Variants in ZER1 observed in about 807,000 individuals in gnomAD.
The protein encoded by ZER1 is zyg-11 related cell cycle regulator, also known as protein zer-1 homolog.
Under a neutral mutation model 78.8 loss-of-function variants are expected in ZER1, and 11 were observed. That is an observed-to-expected ratio of 0.14 (90% CI 0.09 to 0.23). The LOEUF (loss-of-function observed/expected upper bound fraction) is 0.23. ZER1 is among the 10% of genes least tolerant of loss of function. ZER1 has a pLI of 1.00. For missense variants in ZER1, 588 were observed against 996.9 expected, an observed-to-expected ratio of 0.59 and a Z score of 5.52; for synonymous variants, 400 against 407.0, an observed-to-expected ratio of 0.98 and a Z score of 0.21.
At chr9:128,746,464 T>G (rs1443790080) in intron 8 of ZER1, among the ~76,000 whole-genome samples, 1 of 149,318 alleles carries the variant, frequency 6.7e-6, no homozygotes, top group Non-Finnish European at 1.5e-5. Flanking sequence ...TTTCCTTTTT[T>G]TTTTTTTTTT....
At position 128,753,215 on chromosome 9, in the gene ZER1, A is replaced by G; in HGVS notation, c.695T>C (p.Met232Thr). Residue 232 changes from methionine (M) to threonine (T), a missense_variant, in exon 4 of 16, where the codon ATG (methionine) becomes ACG (threonine). Met to Thr is a moderately conservative substitution (Grantham distance 81). Around this residue, in one of 3 missense-constraint regions of ZER1, gnomAD observed 406 missense variants for 660.1 expected, o/e 0.62. Coordinates refer to ENST00000291900, the MANE Select transcript of ZER1 (RefSeq NM_006336.4). This position sits in a 1 kb window ranked among gnomAD's most constrained non-coding sequence, Gnocchi z 7.5. Reference protein sequence around the residue: ...DSLVSLVLYNMDLSDDHIRVI... With the variant: ...DSLVSLVLYNTDLSDDHIRVI... Reference sequence around the variant, plus strand: ...CCGGATGTGGTCGTCGGACAGGTCCATGTTGTAGAGGACGAGGGACACCAG... The same window carrying G: ...CCGGATGTGGTCGTCGGACAGGTCCGTGTTGTAGAGGACGAGGGACACCAG... The G allele has an allele frequency of 1.3e-6, 2 of 1,582,374 alleles. No individual in the cohort carries two copies. The highest frequency in any genetic ancestry group is 1.7e-6 in the Non-Finnish European group (2 of 1,164,638).
At chr9:128,743,508 A>G (rs559844686) in intron 8 of ZER1, among the ~76,000 whole-genome samples, 4 of 151,688 alleles carry the variant, frequency 2.6e-5, no homozygotes, top group African/African-American at 7.3e-5. Flanking sequence ...TGCAGCATCA[A>G]CCTCTGGGGC....
At position 128,739,979 on chromosome 9, in the gene ZER1, G is replaced by C; in HGVS notation, c.1994C>G (p.Ala665Gly). 1 of 1,613,664 alleles carries C rather than the reference G, an allele frequency of 6.2e-7. No homozygotes were observed. Among genetic ancestry groups the C allele is most frequent in the Non-Finnish European group, 8.5e-7 (1 of 1,179,646 alleles). The part of the protein sequence containing the change: ...QREEVEERMW[A>G]AIQSWDINSR... ...GTTTATGTCCCAGCTCTGGATGGCAGCCCACATGCGTTCCTCCACCTCCTC... is the reference window on the plus strand; with the variant it reads ...GTTTATGTCCCAGCTCTGGATGGCACCCCACATGCGTTCCTCCACCTCCTC... The change falls in exon 13 of 16, where the codon GCT becomes GGT. Residue 665 changes from alanine (A) to glycine (G), a missense_variant. This residue lies in a region of ZER1 where 122 missense variants were observed against 173.5 expected (regional missense o/e 0.70). Coordinates refer to ENST00000291900, the MANE Select transcript of ZER1 (RefSeq NM_006336.4).
At position 128,766,122 on chromosome 9, in the gene ZER1, G is replaced by A. The variant is rs147597128; in HGVS notation, c.-95+5459C>T. On this transcript the variant is annotated intron_variant, in intron 1 of 15. Coordinates refer to ENST00000291900, the MANE Select transcript of ZER1 (RefSeq NM_006336.4). ...TCCCAGCACTTTGGGAGGCCAAGGC[G>A]GGCGGATCACGAGGTGAAGAGATTG... Among the ~76,000 whole-genome samples the A allele has an allele frequency of 3.3e-3, 500 of 151,796 alleles. 8 individuals carry two copies. The East Asian group carries it at 0.036, about 11-fold the overall frequency.
In ZER1 at chr9:128,735,254, C is replaced by G. The variant is rs952465751; in HGVS notation, c.2140+80G>C. 2.3e-6 allele frequency: 3 copies of G among 1,316,020 alleles called. No individual in the cohort carries two copies. In the African/African-American group the frequency reaches 4.4e-5, roughly 19 times the overall value. 81.5% of individuals were successfully genotyped at this position (1,316,020 alleles called of 1,614,324 possible). A position where few individuals can be genotyped will look rare whatever the true frequency, so the allele number is the denominator to read the frequency against. ...GCTGACAGCAGCAATTAATGCCCCC[C>G]TCCTGGACTACAAACTCCCTGAGGG... is the stretch of plus-strand genomic sequence containing the variant. On this transcript the variant is annotated intron_variant, in intron 14 of 15. Transcript: ENST00000291900.
chr9:128,743,855 C>T (rs1589524649), intron 8 of ZER1, among the ~76,000 whole-genome samples: 1 of 150,882 alleles, frequency 6.6e-6, no homozygotes, highest in East Asian at 2.0e-4. Flanking sequence ...CTCAGCCTCC[C>T]TAGTAGCTGG....
At chr9:128,746,786 C>G (rs1030031530) in intron 8 of ZER1, among the ~76,000 whole-genome samples, 4 of 151,996 alleles carry the variant, frequency 2.6e-5, no homozygotes, top group African/African-American at 9.7e-5. Context: ...CAGGTGCCCA[C>G]CGGCACACTC....
At chr9:128,747,781 G>A (rs1160864725) in intron 8 of ZER1, among the ~76,000 whole-genome samples, 2 of 152,038 alleles carry the variant, frequency 1.3e-5, no homozygotes, top group Non-Finnish European at 1.5e-5. Flanking sequence ...AGTATGCCCG[G>A]CTAATTTTTG....
intron 1 of ZER1, among the ~76,000 whole-genome samples, chr9:128,769,927 T>C (rs1864331661): frequency 6.6e-6 from 1 of 152,204 alleles, no homozygotes; most frequent in African/African-American, 2.4e-5. Flanking sequence ...AAAACAAATC[T>C]GTATTTTCTC....
rs1039616994 is a variant in ZER1 at position 128,732,517 on chromosome 9, G to A, written c.2243+909C>T. Among the ~76,000 whole-genome samples the A allele has an allele frequency of 1.7e-4, 26 of 152,210 alleles. No homozygotes were observed. Among genetic ancestry groups the A allele is most frequent in the African/African-American group, 5.8e-4 (24 of 41,532 alleles). On this transcript the variant is annotated intron_variant, in intron 15 of 15. Transcript: ENST00000291900. This position sits in a 1 kb window ranked among gnomAD's most constrained non-coding sequence, Gnocchi z 4.8. ...CCCAAGTGGCTGGGATTACAGGCAC[G>A]TACCACCACGCCGAGCTAATTTTTG...
chr9:128,770,912 G>C (rs1247995414), intron 1 of ZER1, among the ~76,000 whole-genome samples: 1 of 152,196 alleles, frequency 6.6e-6, no homozygotes. Context: ...GCTCATGCCT[G>C]TATTTCCAGC....
chr9:128,731,995 C>T (rs1435780787), intron 15 of ZER1, among the ~76,000 whole-genome samples: 1 of 152,238 alleles, frequency 6.6e-6, no homozygotes, highest in Non-Finnish European at 1.5e-5. Context: ...GGACCCCGGA[C>T]AGCTTGCCCA....
Position 128,751,905 on chromosome 9 carries a change from C to A in ZER1, c.924-378G>T, listed in dbSNP as rs936009059. 1.2e-4 allele frequency among the ~76,000 whole-genome samples: 19 copies of A among 152,208 alleles called. No homozygotes were observed. The highest frequency in any genetic ancestry group is 4.6e-4 in the African/African-American group (19 of 41,454). ...GCTGGTAGGGTTTGGTCAAACTTCT[C>A]AACCAACCAATCCAAGAACCGACCT... On this transcript the variant is annotated intron_variant, in intron 5 of 15. Transcript: ENST00000291900. This position sits in a 1 kb window ranked among gnomAD's most constrained non-coding sequence, Gnocchi z 5.4.
At chr9:128,741,948 G>A (rs1863313547) in intron 9 of ZER1, 107 bp from the exon 10 acceptor site, 3 of 1,416,512 alleles carry the variant, frequency 2.1e-6, no homozygotes, top group Non-Finnish European at 3.0e-6. Flanking sequence ...TAGTTCAGGA[G>A]TCTTGACGAG....
At chr9:128,762,640 GT>G (rs1864086052) in intron 1 of ZER1, among the ~76,000 whole-genome samples, 1 of 152,180 alleles carries the variant, frequency 6.6e-6, no homozygotes, top group South Asian at 2.1e-4. Flanking sequence ...AAAGACAACC[GT>G]TATTATGTTG....
Position 128,761,074 on chromosome 9 carries a change from T to C in ZER1, c.-94-5415A>G, listed in dbSNP as rs535426773. Among the ~76,000 whole-genome samples, 4 of 142,042 alleles carry C rather than the reference T, an allele frequency of 2.8e-5. No homozygotes were observed. The South Asian group carries it at 6.9e-4, about 24-fold the overall frequency. 93.2% of individuals were successfully genotyped at this position (142,042 alleles called of 152,430 possible). Reference sequence around the variant, plus strand: ...TCGGGAGGCTGAGGTAGAAGAATGGTGTGAACCCGGGAGGCGGAGCTTGCA... The same window carrying C: ...TCGGGAGGCTGAGGTAGAAGAATGGCGTGAACCCGGGAGGCGGAGCTTGCA... On this transcript the variant is annotated intron_variant, in intron 1 of 15. Coordinates refer to ENST00000291900, the MANE Select transcript of ZER1 (RefSeq NM_006336.4).
chr9:128,746,215 C>T (rs949425021), intron 8 of ZER1: 1 of 152,146 alleles, frequency 6.6e-6, no homozygotes, highest in African/African-American at 2.4e-5. Flanking sequence ...ATGGCTAGGT[C>T]AAAAGATAGA....
chr9:128,755,681 A>C lies in ZER1; in HGVS notation c.-94-22T>G. On this transcript the variant is annotated intron_variant, in intron 1 of 15. Coordinates refer to ENST00000291900, the MANE Select transcript of ZER1 (RefSeq NM_006336.4). This position sits in a 1 kb window ranked among gnomAD's most constrained non-coding sequence, Gnocchi z 5.6. ...CTGCCTGGGGAGTGGACAAGATGCC[A>C]AGTGAGCCACACACAAGGGCTAGAA... 1 of 1,358,726 alleles carries C rather than the reference A, an allele frequency of 7.4e-7. No homozygotes were observed. Among genetic ancestry groups the C allele is most frequent in the Non-Finnish European group, 1.0e-6 (1 of 996,940 alleles). 84.2% of individuals were successfully genotyped at this position (1,358,726 alleles called of 1,614,324 possible). A position where few individuals can be genotyped will look rare whatever the true frequency, so the allele number is the denominator to read the frequency against.
At chr9:128,736,113 T>C (rs987880499) in intron 13 of ZER1, among the ~76,000 whole-genome samples, 1 of 151,620 alleles carries the variant, frequency 6.6e-6, no homozygotes, top group African/African-American at 2.4e-5. Context: ...CAAACCCGGC[T>C]AATTTTTTTG....
Sources: allele counts gnomAD v4.1 joint callset (sites outside exome capture counted in the v4.1 genomes callset), GRCh38; gene constraint gnomAD v4.1.1; regional missense constraint gnomAD v4.1.1; non-coding constraint Gnocchi (gnomAD v3.1); transcripts MANE v1.5; gene names NCBI Gene and HGNC (gene_info 2026-07-23, HGNC 2026-07-21).